Variants in NR5A2 observed in about 807,000 individuals in gnomAD.
NR5A2 encodes CYP7A promoter-binding factor.
In NR5A2, 26 loss-of-function variants were observed where a neutral mutation model predicts 62.7. That is an observed-to-expected ratio of 0.41 (90% CI 0.30 to 0.58). The LOEUF is 0.58. Ranked by LOEUF, NR5A2 falls within the 20% of genes least tolerant of loss-of-function variation. The pLI is 0.22. For synonymous variants in NR5A2, 246 were observed against 241.7 expected, an observed-to-expected ratio of 1.02 and a Z score of -0.16; for missense variants, 541 against 669.1, an observed-to-expected ratio of 0.81 and a Z score of 2.11.
At chr1:200,140,408 A>C (rs1253642723) in intron 7 of NR5A2, among the ~76,000 whole-genome samples, 2 of 152,040 alleles carry the variant, frequency 1.3e-5, no homozygotes, top group Non-Finnish European at 2.9e-5. Context: ...TGATCTTTTA[A>C]ATCTGCTTTG....
chr1:200,101,010 A>C (rs1398759711), intron 5 of NR5A2, among the ~76,000 whole-genome samples: 1 of 152,064 alleles, frequency 6.6e-6, no homozygotes, highest in African/African-American at 2.4e-5. Flanking sequence ...TCATGTCTTC[A>C]TTTATCCCAT....
At chr1:200,066,304 T>G (rs1037662366) in intron 5 of NR5A2, among the ~76,000 whole-genome samples, 4 of 151,980 alleles carry the variant, frequency 2.6e-5, no homozygotes, top group African/African-American at 9.7e-5. Context: ...AGGACTCAGG[T>G]TTTTGGCTTA....
Position 200,048,735 on chromosome 1 carries a change from G to C in NR5A2, c.1027G>C (p.Gly343Arg). 1 of 1,614,176 alleles carries C rather than the reference G, an allele frequency of 6.2e-7. No homozygotes were observed. Among genetic ancestry groups the C allele is most frequent in the Non-Finnish European group, 8.5e-7 (1 of 1,180,032 alleles). Residue 343 changes from glycine to arginine, a missense_variant, in exon 5 of 8, where the codon GGG (glycine) becomes CGG (arginine). Transcript: ENST00000367362. The surrounding 1 kb of genome is among the most constrained non-coding windows in gnomAD (Gnocchi z 4.8). Reference protein sequence around the residue: ...RSKHEKLSTFGLMCKMADQTL... With the variant: ...RSKHEKLSTFRLMCKMADQTL... ...CAAGCACGAAAAGCTGAGCACCTTT[G>C]GGCTTATGTGCAAAATGGCAGATCA... is the stretch of plus-strand genomic sequence containing the variant.
chr1:200,147,652 T>C lies in NR5A2; in HGVS notation c.1379-26311T>C. 1.4e-6 allele frequency: 1 copy of C among 704,494 alleles called. No homozygotes were observed. Among genetic ancestry groups the C allele is most frequent in the Non-Finnish European group, 2.7e-6 (1 of 374,826 alleles). The allele number at this position is 704,494 out of a possible 1,614,324, so 43.6% of individuals were successfully genotyped here. ...CTTGCCCTGGATCTTGTCGATTGAG[T>C]TGAAGTCGGACACGTGGAAGACATG... On this transcript the variant is annotated intron_variant, in intron 7 of 7. Coordinates refer to ENST00000367362, the MANE Select transcript of NR5A2 (RefSeq NM_205860.3). This position sits in a 1 kb window ranked among gnomAD's most constrained non-coding sequence, Gnocchi z 4.9.
At chr1:200,073,845 T>C (rs1269260064) in intron 5 of NR5A2, among the ~76,000 whole-genome samples, 1 of 152,172 alleles carries the variant, frequency 6.6e-6, no homozygotes, top group Non-Finnish European at 1.5e-5. Flanking sequence ...TACCCAGTCC[T>C]TGCTTACTAG....
chr1:200,076,101 G>C (rs1664021969), intron 5 of NR5A2, among the ~76,000 whole-genome samples: 2 of 152,098 alleles, frequency 1.3e-5, no homozygotes, highest in Admixed American at 1.3e-4. Flanking sequence ...ACAAGAAACA[G>C]TTTTTTTCCT....
intron 5 of NR5A2, among the ~76,000 whole-genome samples, chr1:200,088,365 C>T (rs547640837): frequency 6.6e-6 from 1 of 152,300 alleles, no homozygotes; most frequent in African/African-American, 2.4e-5. Context: ...TCAAGTGATT[C>T]TCCTGCCTCC....
At chr1:200,058,994 C>T (rs1454079141) in intron 5 of NR5A2, among the ~76,000 whole-genome samples, 1 of 151,710 alleles carries the variant, frequency 6.6e-6, no homozygotes, top group Non-Finnish European at 1.5e-5. Context: ...CCTATAATCC[C>T]AGCTACTTGG....
At chr1:200,155,637 G>A (rs1571568284) in intron 7 of NR5A2, among the ~76,000 whole-genome samples, 1 of 152,128 alleles carries the variant, frequency 6.6e-6, no homozygotes. Context: ...TCTGTTAATG[G>A]AGGATTAATG....
intron 6 of NR5A2, among the ~76,000 whole-genome samples, chr1:200,119,353 A>G (rs1016804642): frequency 1.3e-5 from 2 of 152,212 alleles, no homozygotes; most frequent in South Asian, 2.1e-4. Context: ...ATAAAAATTT[A>G]ATACAGTCTG....
In NR5A2 at chr1:200,039,596, A is replaced by G. The variant is rs1198243060; in HGVS notation, c.65-62A>G. 17 of 1,603,044 alleles carry G rather than the reference A, an allele frequency of 1.1e-5. No homozygotes were observed. The highest frequency in any genetic ancestry group is 1.4e-5 in the Non-Finnish European group (17 of 1,175,296). ...GGCGAGGCGAGAGGGTTGGGTTAGC[A>G]GGCATCCCGGTCGCCCCTTCCTTCT... On this transcript the variant is annotated intron_variant, in intron 1 of 7. Coordinates refer to ENST00000367362, the MANE Select transcript of NR5A2 (RefSeq NM_205860.3). The surrounding 1 kb of genome is among the most constrained non-coding windows in gnomAD (Gnocchi z 5.1).
chr1:200,030,807 G>T (rs1661521044), intron 1 of NR5A2, among the ~76,000 whole-genome samples: 1 of 152,142 alleles, frequency 6.6e-6, no homozygotes, highest in Non-Finnish European at 1.5e-5. Flanking sequence ...TCCACAGAAG[G>T]TTATGTCTGC....
chr1:200,161,315 C>G (rs548555267), intron 7 of NR5A2, among the ~76,000 whole-genome samples: 1 of 152,158 alleles, frequency 6.6e-6, no homozygotes, highest in East Asian at 1.9e-4. Flanking sequence ...CAGCCAGAGG[C>G]CTTATTTTTC....
chr1:200,170,725 T>C (rs766037313), intron 7 of NR5A2, among the ~76,000 whole-genome samples: 2 of 152,142 alleles, frequency 1.3e-5, no homozygotes, highest in Non-Finnish European at 2.9e-5. Context: ...AAATCCTCAT[T>C]TGCAAAACAT....
At position 200,069,119 on chromosome 1, in the gene NR5A2, T is replaced by C. The variant is rs368453592; in HGVS notation, c.1110+20301T>C. 3.9e-5 allele frequency among the ~76,000 whole-genome samples: 6 copies of C among 152,352 alleles called. No individual in the cohort carries two copies. The East Asian group carries it at 1.2e-3, about 29-fold the overall frequency. On this transcript the variant is annotated intron_variant, in intron 5 of 7. Transcript: ENST00000367362. ...TTCTCCTAAGCTCACCTAGACTAGCTGATACCAGGCATAGTCCCATTAGTT... is the reference window on the plus strand; with the variant it reads ...TTCTCCTAAGCTCACCTAGACTAGCCGATACCAGGCATAGTCCCATTAGTT...
At chr1:200,169,231 C>CAAT (rs1319186017) in intron 7 of NR5A2, among the ~76,000 whole-genome samples, 1 of 151,582 alleles carries the variant, frequency 6.6e-6, no homozygotes, top group Non-Finnish European at 1.5e-5. Context: ...AAAAATCAGA[C>CAAT]AATAATATTA....
rs562869993 is a variant in NR5A2, at chr1:200,150,130, T to A, written c.1379-23833T>A. ...CAAGTGGAGCAATTTGAAGGAGCAC[T>A]CTCTCCTATACTTCTTGTTTTGTTA... On this transcript the variant is annotated intron_variant, in intron 7 of 7. Coordinates refer to ENST00000367362, the MANE Select transcript of NR5A2 (RefSeq NM_205860.3). 2.6e-5 allele frequency among the ~76,000 whole-genome samples: 4 copies of A among 152,320 alleles called. No homozygotes were observed. In the South Asian group the frequency reaches 8.3e-4, roughly 32 times the overall value.
chr1:200,090,907 G>A (rs1212733168), intron 5 of NR5A2, among the ~76,000 whole-genome samples: 1 of 152,182 alleles, frequency 6.6e-6, no homozygotes, highest in Non-Finnish European at 1.5e-5. Context: ...GAGTGCGATG[G>A]AAATTCCAAG....
chr1:200,055,354 C>T (rs1463497200), intron 5 of NR5A2, among the ~76,000 whole-genome samples: 2 of 152,112 alleles, frequency 1.3e-5, no homozygotes, highest in Non-Finnish European at 2.9e-5. Context: ...GCCACCACGC[C>T]TGGTTTATTT....
Sources: gnomAD v4.1 joint callset for allele counts (sites outside exome capture counted in the v4.1 genomes callset) on GRCh38, gnomAD v4.1.1 for gene constraint, Gnocchi (gnomAD v3.1) non-coding constraint, MANE v1.5 for transcripts, NCBI Gene and HGNC (gene_info 2026-07-23, HGNC 2026-07-21) for gene names.